The following ASTN1 variants were observed in gnomAD, a reference collection of about 807,000 sequenced individuals.
ASTN1 encodes astrotactin 1.
A neutral mutation model predicts 140.7 loss-of-function variants in ASTN1; 41 were observed. The observed-to-expected ratio is 0.29, with a 90% CI of 0.23 to 0.38. The LOEUF (loss-of-function observed/expected upper bound fraction) is 0.38, where lower values mean the gene tolerates loss of function less well. Among genes scored for constraint, ASTN1 ranks in the 10% least tolerant of loss-of-function variants. ASTN1 has a pLI of 1.00. For synonymous variants in ASTN1, 640 were observed against 652.2 expected (o/e 0.98, Z 0.29); for missense variants, 1,479 against 1,678.8 (o/e 0.88, Z 2.08).
chr1:176,898,333 CCAAA>C (rs1174982241), intron 16 of ASTN1, among the ~76,000 whole-genome samples: 3 of 152,194 alleles, frequency 2.0e-5, no homozygotes, highest in Non-Finnish European at 2.9e-5. Flanking sequence ...GGTCCCCTCG[CCAAA>C]CAGGATGGGG....
chr1:176,955,902 A>G (rs553416909), intron 11 of ASTN1, among the ~76,000 whole-genome samples: 8 of 152,380 alleles, frequency 5.3e-5, no homozygotes, highest in Admixed American at 1.3e-4. Flanking sequence ...ACAGTGTTTC[A>G]GCACTTAGAA....
chr1:177,009,780 T>A (rs988668927), intron 8 of ASTN1, among the ~76,000 whole-genome samples: 5 of 152,190 alleles, frequency 3.3e-5, no homozygotes, highest in African/African-American at 1.2e-4. Flanking sequence ...TTCTAACACC[T>A]TGGAGAAACA....
chr1:176,884,225 G>A (rs1668930329), intron 19 of ASTN1, 114 bp downstream of exon 19: 3 of 1,209,706 alleles, frequency 2.5e-6, no homozygotes, highest in African/African-American at 1.5e-5. Flanking sequence ...TGCTCCTCCT[G>A]CATTGCCCTG....
At chr1:176,904,027 A>G (rs1330646212) in intron 16 of ASTN1, among the ~76,000 whole-genome samples, 1 of 152,198 alleles carries the variant, frequency 6.6e-6, no homozygotes, top group Non-Finnish European at 1.5e-5. Context: ...TAAAGACACT[A>G]GTCGTTGAAG....
intron 11 of ASTN1, among the ~76,000 whole-genome samples, chr1:176,950,292 CAG>C (rs1458526020): frequency 1.3e-5 from 2 of 152,194 alleles, no homozygotes; most frequent in Non-Finnish European, 2.9e-5. Context: ...AACTGAGGCA[CAG>C]AGAGTTTCAC....
chr1:177,148,267 A>T (rs934746607), intron 1 of ASTN1, among the ~76,000 whole-genome samples: 7 of 151,952 alleles, frequency 4.6e-5, no homozygotes, highest in African/African-American at 1.7e-4. Flanking sequence ...AAATACAAAA[A>T]ATTAGCCGGG....
intron 14 of ASTN1, among the ~76,000 whole-genome samples, chr1:176,943,144 G>A (rs1415427025): frequency 6.6e-6 from 1 of 151,962 alleles, no homozygotes; most frequent in Admixed American, 6.6e-5. Context: ...AGCAAGTGTT[G>A]CCAAATCTCA....
chr1:176,913,985 T>A (rs1204011211), intron 16 of ASTN1, among the ~76,000 whole-genome samples: 1 of 152,158 alleles, frequency 6.6e-6, no homozygotes, highest in Non-Finnish European at 1.5e-5. Context: ...ACAACGGGAA[T>A]TTGAAGAGTG....
intron 7 of ASTN1, among the ~76,000 whole-genome samples, chr1:177,016,740 T>C (rs143951780): frequency 6.6e-6 from 1 of 152,346 alleles, no homozygotes; most frequent in Non-Finnish European, 1.5e-5. Flanking sequence ...ACAAATACTG[T>C]GCAGTAGAAA....
intron 2 of ASTN1, among the ~76,000 whole-genome samples, chr1:177,049,409 A>T (rs760236388): frequency 6.6e-6 from 1 of 152,230 alleles, no homozygotes; most frequent in Non-Finnish European, 1.5e-5. Flanking sequence ...GTTTAAATTG[A>T]AAAAGCAAGT....
At chr1:176,975,038 G>A (rs1348332653) in intron 8 of ASTN1, among the ~76,000 whole-genome samples, 1 of 152,216 alleles carries the variant, frequency 6.6e-6, no homozygotes. Context: ...CATCATAGAA[G>A]GCAGAGGCAG....
Position 176,861,796 on chromosome 1 carries a change from G to A in ASTN1, c.*2488C>T. The A allele has an allele frequency of 1.0e-6, 1 of 985,430 alleles. No homozygotes were observed. The highest frequency in any genetic ancestry group is 1.2e-6 in the Non-Finnish European group (1 of 829,980). 61.0% of individuals were successfully genotyped at this position (985,430 alleles called of 1,614,324 possible). ...GGCCAAAAAAGGAGGGTCACAGAAA[G>A]AAGAAGTAAAAGACAAAGATAAAGA... On this transcript the variant is annotated 3_prime_UTR_variant, in exon 23 of 23. Transcript: ENST00000361833.
At chr1:177,121,083 C>CAT (rs58390538) in intron 1 of ASTN1, among the ~76,000 whole-genome samples, 1,546 of 148,946 alleles carry the variant, frequency 0.01, 45 homozygotes, top group East Asian at 0.092. Flanking sequence ...GCTGGTGATA[C>CAT]ATATATATAT....
intron 22 of ASTN1, among the ~76,000 whole-genome samples, chr1:176,865,894 A>G (rs1557920161): frequency 1.3e-5 from 2 of 152,208 alleles, no homozygotes; most frequent in Admixed American, 6.5e-5. Context: ...GGAGACTCCC[A>G]TTTTTAAAAC....
At position 176,891,047 on chromosome 1, in the gene ASTN1, A is replaced by T. The variant is rs552498130; in HGVS notation, c.2941-2843T>A. ...TCTCAAAAAAACAAAAATTAAAATT[A>T]AAAAAAAAAAGAGTTTCTACTCTCT... is the stretch of plus-strand genomic sequence containing the variant. On this transcript the variant is annotated intron_variant, in intron 17 of 22. Coordinates refer to ENST00000361833, the MANE Select transcript of ASTN1 (RefSeq NM_004319.3). Among the ~76,000 whole-genome samples, 8 of 147,314 alleles carry T rather than the reference A, an allele frequency of 5.4e-5. No individual in the cohort carries two copies. The South Asian group carries it at 1.3e-3, about 24-fold the overall frequency.
At position 176,864,025 on chromosome 1, in the gene ASTN1, A is replaced by G. The variant is rs1419434735; in HGVS notation, c.*259T>C. ...AAATGAATGGAACAAATTAATGGCA[A>G]AGCAAACCCCAAAGTAATCCTCTAA... On this transcript the variant is annotated 3_prime_UTR_variant, in exon 23 of 23. Coordinates refer to ENST00000361833, the MANE Select transcript of ASTN1 (RefSeq NM_004319.3). 6 of 1,265,464 alleles carry G rather than the reference A, an allele frequency of 4.7e-6. No individual in the cohort carries two copies. The East Asian group carries it at 1.9e-4, about 39-fold the overall frequency. The allele number at this position is 1,265,464 out of a possible 1,614,324, so 78.4% of individuals were successfully genotyped here.
At chr1:176,989,387 T>G (rs1164865437) in intron 8 of ASTN1, among the ~76,000 whole-genome samples, 1 of 152,240 alleles carries the variant, frequency 6.6e-6, no homozygotes, top group African/African-American at 2.4e-5. Flanking sequence ...TATTTTTTCT[T>G]CTTTTCAGTG....
At chr1:177,146,163 T>G (rs1227946242) in intron 1 of ASTN1, among the ~76,000 whole-genome samples, 1 of 152,204 alleles carries the variant, frequency 6.6e-6, no homozygotes, top group Admixed American at 6.5e-5. Context: ...CCAACTTTTT[T>G]TGCAAATTTT....
In ASTN1 at chr1:176,965,190, C is replaced by T. The variant is rs376064009; in HGVS notation, c.1571G>A (p.Gly524Glu). 2 of 1,614,022 alleles carry T rather than the reference C, an allele frequency of 1.2e-6. No homozygotes were observed. The highest frequency in any genetic ancestry group is 1.7e-6 in the Non-Finnish European group (2 of 1,179,924). The change falls in exon 9 of 23, where the codon GGA becomes GAA. Residue 524 changes from glycine (G) to glutamate (E), a missense_variant. Transcript: ENST00000361833. Reference protein sequence around the residue: ...IFQRGFDLVLGEQPSDKIFRF... With the variant: ...IFQRGFDLVLEEQPSDKIFRF... ...AAATATTTTATCAGAGGGCTGCTCT[C>T]CCAAAACCAGGTCAAAGCCTCGCTG...
Sources: allele counts gnomAD v4.1 joint callset (sites outside exome capture counted in the v4.1 genomes callset), GRCh38; gene constraint gnomAD v4.1.1; transcripts MANE v1.5; gene names NCBI Gene and HGNC (gene_info 2026-07-23, HGNC 2026-07-21).